ATXN3: variants seen among roughly 807,000 people sequenced by gnomAD.
ATXN3 encodes ataxin-3.
ATXN3 carries 28 observed loss-of-function variants against 58.2 expected under a neutral mutation model. The observed-to-expected ratio is 0.48, with a 90% CI of 0.36 to 0.66. ATXN3 has a LOEUF of 0.66. ATXN3 is among the 30% of genes least tolerant of loss of function. The pLI is 0.00. For synonymous variants in ATXN3, 113 were observed against 138.5 expected, an observed-to-expected ratio of 0.82 and a Z score of 1.29; for missense variants, 321 against 422.1, an observed-to-expected ratio of 0.76 and a Z score of 2.10.
intron 9 of ATXN3, among the ~76,000 whole-genome samples, chr14:92,075,247 C>T (rs1413841636): frequency 6.7e-6 from 1 of 149,688 alleles, no homozygotes; most frequent in Non-Finnish European, 1.5e-5. Context: ...TCACTGCAAC[C>T]TCTGCCTCCC....
intron 2 of ATXN3, among the ~76,000 whole-genome samples, chr14:92,045,496 C>T (rs1040043909): frequency 6.6e-6 from 1 of 152,086 alleles, no homozygotes; most frequent in Non-Finnish European, 1.5e-5. Context: ...TTTCCTAACT[C>T]AGGGCATGTG....
intron 10 of ATXN3, among the ~76,000 whole-genome samples, chr14:92,065,889 AAATAAT>A (rs146832756): frequency 6.6e-6 from 1 of 151,476 alleles, no homozygotes; most frequent in Non-Finnish European, 1.5e-5. Flanking sequence ...TAAAAAAGAA[AAATAAT>A]AATAATGATC....
chr14:92,046,126 G>C (rs1371351361), intron 2 of ATXN3: 8 of 151,832 alleles, frequency 5.3e-5, no homozygotes, highest in African/African-American at 1.5e-4. Context: ...GGCATATTTA[G>C]AGTCAGTATA....
intron 1 of ATXN3, among the ~76,000 whole-genome samples, chr14:92,100,992 T>C (rs542020280): frequency 6.6e-6 from 1 of 152,264 alleles, no homozygotes; most frequent in South Asian, 2.1e-4. Flanking sequence ...TATATAGCAA[T>C]AGTGACATCC....
intron 5 of ATXN3, chr14:92,090,583 G>C (rs2063561810): frequency 6.6e-6 from 1 of 152,086 alleles, no homozygotes; most frequent in South Asian, 2.1e-4. Context: ...GAGACAGAAA[G>C]AGTCTATAGT....
chr14:92,062,199 G>A lies in ATXN3; in HGVS notation c.*2121C>T, dbSNP rs1331956194. ...TTGAACCCGGGAGGTGGAAGTTGTA[G>A]TGAGCCGAGATCATGCCACTGCCCT... On this transcript the variant is annotated 3_prime_UTR_variant, in exon 11 of 11. Coordinates refer to ENST00000644486, the MANE Select transcript of ATXN3 (RefSeq NM_004993.6). The A allele has an allele frequency of 1.3e-5, 2 of 152,180 alleles. No homozygotes were observed. The highest frequency in any genetic ancestry group is 2.9e-5 in the Non-Finnish European group (2 of 68,068). 9.4% of individuals were successfully genotyped at this position (152,180 alleles called of 1,614,324 possible).
chr14:92,104,786 G>T (rs925122182), intron 1 of ATXN3, among the ~76,000 whole-genome samples: 1 of 152,022 alleles, frequency 6.6e-6, no homozygotes, highest in African/African-American at 2.4e-5. Flanking sequence ...AGCTGGGCGT[G>T]GTGGCGGGCG....
exon 3 of ATXN3, chr14:92,044,811 C>T (rs954421406): frequency 2.0e-5 from 3 of 152,188 alleles, no homozygotes; most frequent in African/African-American, 7.2e-5. Flanking sequence ...ACGGTGAACC[C>T]AGTGGGGAGG....
intron 3 of ATXN3, among the ~76,000 whole-genome samples, chr14:92,094,115 T>C (rs939456290): frequency 4.6e-5 from 7 of 152,078 alleles, no homozygotes; most frequent in Admixed American, 2.6e-4. Context: ...GCTATTTTTG[T>C]ATTTTTAGTA....
chr14:92,101,789 CGGA>C (rs1416000391), intron 1 of ATXN3, among the ~76,000 whole-genome samples: 2 of 152,120 alleles, frequency 1.3e-5, no homozygotes, highest in East Asian at 3.8e-4. Flanking sequence ...ACCCAGGAGG[CGGA>C]GGTTGCAGTG....
intron 1 of ATXN3, among the ~76,000 whole-genome samples, chr14:92,097,528 C>CTTT (rs754237486): frequency 7.2e-6 from 1 of 138,166 alleles, no homozygotes. Flanking sequence ...ACCTGGCCAA[C>CTTT]TTTTTTTTTT....
intron 5 of ATXN3, among the ~76,000 whole-genome samples, chr14:92,093,029 CTTTGT>C (rs1566968333): frequency 7.0e-6 from 1 of 142,308 alleles, no homozygotes; most frequent in Non-Finnish European, 1.5e-5. Context: ...ATGCCTGGCT[CTTTGT>C]TTTTTTTTTT....
rs1337373549 is a variant in ATXN3, at chr14:92,099,674, G to A, written c.25-2836C>T. Reference sequence around the variant, plus strand: ...ACTTGAGCCCAGAAGTTTGAGACCAGCCTGGACAACATGGTGAAACCCCAT... The same window carrying A: ...ACTTGAGCCCAGAAGTTTGAGACCAACCTGGACAACATGGTGAAACCCCAT... On this transcript the variant is annotated intron_variant, in intron 1 of 10. Coordinates refer to ENST00000644486, the MANE Select transcript of ATXN3 (RefSeq NM_004993.6). 3.3e-5 allele frequency among the ~76,000 whole-genome samples: 5 copies of A among 151,700 alleles called. No homozygotes were observed. In the East Asian group the frequency reaches 5.8e-4, roughly 18 times the overall value.
At chr14:92,069,156 G>A (rs1192828028) in intron 10 of ATXN3, among the ~76,000 whole-genome samples, 2 of 150,804 alleles carry the variant, frequency 1.3e-5, no homozygotes, top group Non-Finnish European at 1.5e-5. Flanking sequence ...TTGGCTCACT[G>A]CAATCTCCGC....
chr14:92,104,650 G>A lies in ATXN3; in HGVS notation c.24+1879C>T, dbSNP rs142537405. On this transcript the variant is annotated intron_variant, in intron 1 of 10. Coordinates refer to ENST00000644486, the MANE Select transcript of ATXN3 (RefSeq NM_004993.6). Reference sequence around the variant, plus strand: ...AAATTAATAACAAAAATATGGCCGGGTGCGGTGGCTCACGCCTGTAATCCC... The same window carrying A: ...AAATTAATAACAAAAATATGGCCGGATGCGGTGGCTCACGCCTGTAATCCC... Among the ~76,000 whole-genome samples the A allele has an allele frequency of 2.5e-3, 377 of 152,266 alleles. 4 individuals are homozygous for A. The highest frequency in any genetic ancestry group is 0.016 in the East Asian group (85 of 5,166).
At chr14:92,105,904 G>A (rs1483226210) in intron 1 of ATXN3, among the ~76,000 whole-genome samples, 1 of 152,194 alleles carries the variant, frequency 6.6e-6, no homozygotes, top group African/African-American at 2.4e-5. Flanking sequence ...AAAAACTCTT[G>A]TGACGACTTC....
intron 5 of ATXN3, 84 bp from the exon 6 acceptor site, chr14:92,088,901 T>C: frequency 1.3e-6 from 1 of 752,526 alleles, no homozygotes; most frequent in Non-Finnish European, 2.3e-6. Flanking sequence ...ATACAACCCA[T>C]CAAAGCTTAG....
rs1249772933 is a variant in ATXN3 at position 92,062,507 on chromosome 14, G to C, written c.*1813C>G. The C allele has an allele frequency of 6.6e-6, 1 of 152,028 alleles. No individual in the cohort carries two copies. The highest frequency in any genetic ancestry group is 1.5e-5 in the Non-Finnish European group (1 of 68,006). 9.4% of individuals were successfully genotyped at this position (152,028 alleles called of 1,614,324 possible). On this transcript the variant is annotated 3_prime_UTR_variant, in exon 11 of 11. Transcript: ENST00000644486. ...CCATGGAAAATATGACAAACACACT[G>C]GTAATAATTAACATAAATGTTCAGT...
At chr14:92,069,397 A>AG (rs2140328996) in intron 10 of ATXN3, among the ~76,000 whole-genome samples, 1 of 79,992 alleles carries the variant, frequency 1.3e-5, no homozygotes, top group Admixed American at 1.5e-4. Flanking sequence ...TTTTTGAGAC[A>AG]GAGTTTTGCT....
Sources: gnomAD v4.1 joint callset for allele counts (sites outside exome capture counted in the v4.1 genomes callset) on GRCh38, gnomAD v4.1.1 for gene constraint, MANE v1.5 for transcripts, NCBI Gene and HGNC (gene_info 2026-07-23, HGNC 2026-07-21) for gene names.